The following SHB variants were observed in gnomAD, a reference collection of about 807,000 sequenced individuals.
The protein encoded by SHB is SH2 domain-containing adapter protein B.
Under a neutral mutation model 52.3 loss-of-function variants are expected in SHB, and 20 were observed. The observed-to-expected ratio is 0.38, with a 90% confidence interval of 0.27 to 0.56. The LOEUF (loss-of-function observed/expected upper bound fraction) is 0.56, where lower values mean the gene tolerates loss of function less well. Among genes scored for constraint, SHB ranks in the 20% least tolerant of loss-of-function variants. SHB has a pLI of 0.71. For missense variants in SHB, 825 were observed against 723.3 expected (o/e 1.14, Z -1.61); for synonymous variants, 397 against 316.5 (o/e 1.25, Z -2.70).
At chr9:37,993,237 G>A (rs888678681) in intron 2 of SHB, among the ~76,000 whole-genome samples, 1 of 152,102 alleles carries the variant, frequency 6.6e-6, no homozygotes, top group Non-Finnish European at 1.5e-5. Context: ...GGGAGAGTGC[G>A]ATGGGAACGG....
intron 2 of SHB, among the ~76,000 whole-genome samples, chr9:37,989,537 T>C (rs1820856174): frequency 6.6e-6 from 1 of 152,120 alleles, no homozygotes; most frequent in African/African-American, 2.4e-5. Flanking sequence ...CACTTCAAGG[T>C]CCACAAAACC....
At chr9:38,044,614 CA>C (rs1202583010) in intron 1 of SHB, among the ~76,000 whole-genome samples, 1 of 152,188 alleles carries the variant, frequency 6.6e-6, no homozygotes, top group African/African-American at 2.4e-5. Context: ...ACCACCACAC[CA>C]AAAGGCAGGC....
At chr9:38,016,197 C>T in intron 1 of SHB, 66 bp from the exon 2 acceptor site, 2 of 1,577,232 alleles carry the variant, frequency 1.3e-6, no homozygotes, top group Non-Finnish European at 1.7e-6. Context: ...CTCTTCACAG[C>T]TAGGCTTTGG....
chr9:37,955,825 G>C (rs1267922677), intron 4 of SHB, 58 bp downstream of exon 4: 3 of 1,527,898 alleles, frequency 2.0e-6, no homozygotes. Flanking sequence ...ACATGAAAGA[G>C]AGGGCAAAAA....
chr9:37,972,282 G>A (rs917875519), intron 3 of SHB, among the ~76,000 whole-genome samples: 11 of 152,154 alleles, frequency 7.2e-5, no homozygotes, highest in Non-Finnish European at 1.3e-4. Flanking sequence ...TTCCTCCCAT[G>A]CCCAGAGAAA....
In SHB at chr9:37,917,764, C is replaced by T. The variant is rs1340762186; in HGVS notation, c.*2057G>A. 6.6e-6 allele frequency among the ~76,000 whole-genome samples: 1 copy of T among 152,224 alleles called. No individual in the cohort carries two copies. ...CATTGAGGGATGTTTTAGGAAATGCCAAACAGGCAAGGAAAGGATTGGCTT... is the reference window on the plus strand; with the variant it reads ...CATTGAGGGATGTTTTAGGAAATGCTAAACAGGCAAGGAAAGGATTGGCTT... On this transcript the variant is annotated 3_prime_UTR_variant, in exon 6 of 6. Coordinates refer to ENST00000377707, the MANE Select transcript of SHB (RefSeq NM_003028.3).
At chr9:38,063,834 T>C (rs7862518) in intron 1 of SHB, among the ~76,000 whole-genome samples, 9,125 of 151,294 alleles carry the variant, frequency 0.06, 917 homozygotes, top group African/African-American at 0.21. Context: ...CATGATATTA[T>C]TTATTCTGTA....
intron 5 of SHB, among the ~76,000 whole-genome samples, chr9:37,925,997 T>C (rs1009624274): frequency 4.6e-5 from 7 of 152,104 alleles, no homozygotes; most frequent in African/African-American, 1.7e-4. Flanking sequence ...GGAAGGGCCC[T>C]TCCACCCCCA....
At chr9:38,026,764 C>T (rs1399782926) in intron 1 of SHB, among the ~76,000 whole-genome samples, 2 of 152,236 alleles carry the variant, frequency 1.3e-5, no homozygotes, top group East Asian at 3.8e-4. Context: ...GTACTCGGCG[C>T]TTTCTAATGT....
intron 1 of SHB, among the ~76,000 whole-genome samples, chr9:38,055,769 C>T (rs1052081046): frequency 2.0e-5 from 3 of 152,092 alleles, no homozygotes; most frequent in Admixed American, 6.5e-5. Flanking sequence ...ACGCTACACC[C>T]ACTCTGTGAA....
At chr9:38,020,862 C>A (rs1821273646) in intron 1 of SHB, among the ~76,000 whole-genome samples, 1 of 152,220 alleles carries the variant, frequency 6.6e-6, no homozygotes, top group South Asian at 2.1e-4. Flanking sequence ...GAGGATCTTG[C>A]AAGGCAAGGC....
chr9:37,948,135 C>T (rs907566345), intron 5 of SHB, among the ~76,000 whole-genome samples: 1 of 152,198 alleles, frequency 6.6e-6, no homozygotes, highest in Non-Finnish European at 1.5e-5. Context: ...AACACCCAAA[C>T]TCAGGCCCAC....
At chr9:38,049,980 G>A (rs956281050) in intron 1 of SHB, among the ~76,000 whole-genome samples, 3 of 151,998 alleles carry the variant, frequency 2.0e-5, no homozygotes, top group Non-Finnish European at 2.9e-5. Flanking sequence ...TTGTAAAGAC[G>A]AGGTTTCACC....
intron 1 of SHB, among the ~76,000 whole-genome samples, chr9:38,045,082 G>A (rs2118150627): frequency 6.6e-6 from 1 of 152,342 alleles, no homozygotes; most frequent in South Asian, 2.1e-4. Context: ...TTCCCAGCTG[G>A]CTGTCATGGA....
At chr9:38,063,092 A>G (rs1256938392) in intron 1 of SHB, among the ~76,000 whole-genome samples, 3 of 152,236 alleles carry the variant, frequency 2.0e-5, no homozygotes, top group Non-Finnish European at 4.4e-5. Flanking sequence ...GAAAAACTGG[A>G]TTTGATACGC....
intron 2 of SHB, among the ~76,000 whole-genome samples, chr9:37,996,823 C>G (rs1279391411): frequency 2.6e-5 from 4 of 152,250 alleles, no homozygotes; most frequent in African/African-American, 9.6e-5. Flanking sequence ...GTCTGATTCA[C>G]ATGTCAATTA....
At chr9:37,983,426 A>G (rs1235245648) in intron 2 of SHB, among the ~76,000 whole-genome samples, 1 of 152,174 alleles carries the variant, frequency 6.6e-6, no homozygotes, top group East Asian at 1.9e-4. Context: ...GATGGCCTTA[A>G]AAGTACTGCA....
At chr9:38,004,426 T>A (rs1177139845) in intron 2 of SHB, among the ~76,000 whole-genome samples, 2 of 151,900 alleles carry the variant, frequency 1.3e-5, no homozygotes, top group African/African-American at 4.8e-5. Flanking sequence ...TGAATAAAGA[T>A]CTGCTGAGGA....
At chr9:37,935,587 T>C (rs1832360028) in intron 5 of SHB, among the ~76,000 whole-genome samples, 1 of 151,804 alleles carries the variant, frequency 6.6e-6, no homozygotes, top group African/African-American at 2.4e-5. Flanking sequence ...GGCTTCAGAG[T>C]GTACAAAATC....
Sources: allele counts gnomAD v4.1 joint callset (sites outside exome capture counted in the v4.1 genomes callset), GRCh38; gene constraint gnomAD v4.1.1; transcripts MANE v1.5; gene names NCBI Gene and HGNC (gene_info 2026-07-23, HGNC 2026-07-21).